The following GLG1 variants were observed in gnomAD, a reference collection of about 807,000 sequenced individuals.
GLG1 encodes the protein Golgi apparatus protein 1.
In GLG1, 38 loss-of-function variants were observed where a neutral mutation model predicts 160.5. The ratio of observed to expected loss-of-function variants is 0.24; its 90% CI spans 0.18 to 0.31. The LOEUF (loss-of-function observed/expected upper bound fraction) is 0.31, where lower values mean the gene tolerates loss of function less well. Ranked by LOEUF, GLG1 falls within the 10% of genes least tolerant of loss-of-function variation. The pLI is 1.00. For synonymous variants in GLG1, 644 were observed against 543.4 expected, an observed-to-expected ratio of 1.19 and a Z score of -2.57; for missense variants, 1,373 against 1,505.2, an observed-to-expected ratio of 0.91 and a Z score of 1.45.
At chr16:74,562,674 G>A (rs573104043) in intron 1 of GLG1, among the ~76,000 whole-genome samples, 1 of 152,234 alleles carries the variant, frequency 6.6e-6, no homozygotes, top group East Asian at 1.9e-4. Context: ...TGGTCAGGCT[G>A]GTCTTGAACT....
chr16:74,478,251 T>C (rs1357387564), intron 11 of GLG1, among the ~76,000 whole-genome samples: 1 of 152,106 alleles, frequency 6.6e-6, no homozygotes, highest in Non-Finnish European at 1.5e-5. Flanking sequence ...CAAGAGAGCA[T>C]ATACACTTGA....
intron 1 of GLG1, among the ~76,000 whole-genome samples, chr16:74,575,125 T>C (rs1025803693): frequency 6.7e-6 from 1 of 148,424 alleles, no homozygotes; most frequent in Non-Finnish European, 1.5e-5. Flanking sequence ...TGGGTGCCTG[T>C]AATCCCAGCT....
At chr16:74,509,038 T>C (rs2143491559) in intron 2 of GLG1, 113 bp from the exon 3 acceptor site, 6 of 537,500 alleles carry the variant, frequency 1.1e-5, no homozygotes, top group Admixed American at 3.0e-5. Context: ...ACAAAGCATA[T>C]TCACATCAGA....
rs781544832 is a variant in GLG1, at chr16:74,452,098, T to C, written c.*1069A>G. 4 of 1,614,092 alleles carry C rather than the reference T, an allele frequency of 2.5e-6. No individual in the cohort carries two copies. The South Asian group carries it at 4.4e-5, about 18-fold the overall frequency. On this transcript the variant is annotated 3_prime_UTR_variant, in exon 26 of 26. Coordinates refer to ENST00000422840, the MANE Select transcript of GLG1 (RefSeq NM_001145667.2). ...TCACATCCTGAGACCACACTAAACC[T>C]TTATAAGCCATTGTCTCTGACCTGT...
chr16:74,517,909 G>A (rs2017033665), intron 2 of GLG1, among the ~76,000 whole-genome samples: 1 of 152,120 alleles, frequency 6.6e-6, no homozygotes, highest in African/African-American at 2.4e-5. Context: ...ATCAATAACA[G>A]ACAAACAGAG....
At chr16:74,573,342 A>T (rs772818710) in intron 1 of GLG1, among the ~76,000 whole-genome samples, 14 of 151,966 alleles carry the variant, frequency 9.2e-5, no homozygotes, top group East Asian at 1.9e-4. Flanking sequence ...TATTTTTTTT[A>T]AAAATTGCTT....
At chr16:74,471,749 G>A (rs2015216297) in intron 14 of GLG1, among the ~76,000 whole-genome samples, 1 of 152,146 alleles carries the variant, frequency 6.6e-6, no homozygotes, top group South Asian at 2.1e-4. Flanking sequence ...CTAGGCTGAT[G>A]TACTGGAATC....
intron 3 of GLG1, among the ~76,000 whole-genome samples, chr16:74,505,137 G>A (rs1003403979): frequency 1.1e-4 from 16 of 152,038 alleles, no homozygotes; most frequent in Non-Finnish European, 2.1e-4. Context: ...ATGCCCATAG[G>A]GCAAAACAAA....
At chr16:74,501,775 C>G (rs992017096) in intron 4 of GLG1, among the ~76,000 whole-genome samples, 1 of 152,220 alleles carries the variant, frequency 6.6e-6, no homozygotes. Context: ...TAAATAAAGT[C>G]AGAAGAGCTT....
intron 1 of GLG1, among the ~76,000 whole-genome samples, chr16:74,594,475 T>C (rs777755753): frequency 5.9e-5 from 9 of 152,210 alleles, no homozygotes; most frequent in Admixed American, 1.3e-4. Flanking sequence ...TGTTTTTAGA[T>C]TCCAGTCCAC....
chr16:74,470,971 G>A (rs927079874), intron 15 of GLG1, among the ~76,000 whole-genome samples: 2 of 151,544 alleles, frequency 1.3e-5, no homozygotes, highest in South Asian at 2.1e-4. Flanking sequence ...TGCTCAGGTT[G>A]GTCTTGAACT....
At chr16:74,485,244 A>ATT (rs1333403449) in intron 9 of GLG1, among the ~76,000 whole-genome samples, 1 of 152,206 alleles carries the variant, frequency 6.6e-6, no homozygotes, top group Non-Finnish European at 1.5e-5. Flanking sequence ...AAAAAATAAA[A>ATT]CTAAAGAATG....
intron 2 of GLG1, among the ~76,000 whole-genome samples, chr16:74,514,920 C>G (rs1480927798): frequency 6.6e-6 from 1 of 151,126 alleles, no homozygotes; most frequent in Non-Finnish European, 1.5e-5. Flanking sequence ...CACACATAGG[C>G]TCAAAATAAA....
chr16:74,478,376 G>GTAAA (rs1434378309), intron 11 of GLG1, among the ~76,000 whole-genome samples: 1 of 152,074 alleles, frequency 6.6e-6, no homozygotes, highest in Non-Finnish European at 1.5e-5. Flanking sequence ...TTAGCAGAGG[G>GTAAA]TAAAGCAGGT....
At chr16:74,500,292 A>G (rs1450968608) in intron 4 of GLG1, among the ~76,000 whole-genome samples, 1 of 152,220 alleles carries the variant, frequency 6.6e-6, no homozygotes, top group Non-Finnish European at 1.5e-5. Context: ...CAGGCTTGGC[A>G]TATGAGTAAT....
intron 11 of GLG1, among the ~76,000 whole-genome samples, chr16:74,478,458 A>C (rs984462281): frequency 6.6e-6 from 1 of 152,206 alleles, no homozygotes; most frequent in African/African-American, 2.4e-5. Context: ...TCTTGCAAAA[A>C]AAGAAAAAAA....
At chr16:74,461,141 C>A (rs1210283112) in intron 22 of GLG1, among the ~76,000 whole-genome samples, 2 of 151,952 alleles carry the variant, frequency 1.3e-5, no homozygotes, top group Non-Finnish European at 2.9e-5. Flanking sequence ...CAAAGATGGG[C>A]ACTTCCTTAC....
At chr16:74,597,175 G>A (rs1958325919) in intron 1 of GLG1, among the ~76,000 whole-genome samples, 1 of 151,754 alleles carries the variant, frequency 6.6e-6, no homozygotes. Flanking sequence ...GCTCACGCCT[G>A]TAATCCCAGC....
chr16:74,452,269 C>T lies in GLG1; in HGVS notation c.*898G>A. The T allele has an allele frequency of 1.4e-6, 2 of 1,478,934 alleles. No homozygotes were observed. Among genetic ancestry groups the T allele is most frequent in the Non-Finnish European group, 1.8e-6 (2 of 1,114,912 alleles). The allele number at this position is 1,478,934 out of a possible 1,614,324, so 91.6% of individuals were successfully genotyped here. A position where few individuals can be genotyped will look rare whatever the true frequency, so the allele number is the denominator to read the frequency against. On this transcript the variant is annotated 3_prime_UTR_variant, in exon 26 of 26. Transcript: ENST00000422840. ...GCAGAGCTTCCAGAGTGACTGTAGC[C>T]TCAGCAGGGCCGGTCCAGACATGGC... is the stretch of plus-strand genomic sequence containing the variant.
Sources: allele counts gnomAD v4.1 joint callset (sites outside exome capture counted in the v4.1 genomes callset), GRCh38; gene constraint gnomAD v4.1.1; transcripts MANE v1.5; gene names NCBI Gene and HGNC (gene_info 2026-07-23, HGNC 2026-07-21).